The following XKR3 variants were observed in gnomAD, a reference collection of about 807,000 sequenced individuals.
The protein encoded by XKR3 is XK-related protein 3.
A neutral mutation model predicts 40.3 loss-of-function variants in XKR3; 27 were observed. That is an observed-to-expected ratio of 0.67 (90% CI 0.49 to 0.92). The LOEUF (loss-of-function observed/expected upper bound fraction) is 0.92, where lower values mean the gene tolerates loss of function less well. Among genes scored for constraint, XKR3 ranks in the 40% least tolerant of loss-of-function variants. The pLI is 0.00. For missense variants in XKR3, 472 were observed against 537.6 expected, an observed-to-expected ratio of 0.88 and a Z score of 1.21; for synonymous variants, 193 against 195.4, an observed-to-expected ratio of 0.99 and a Z score of 0.10.
intron 1 of XKR3, among the ~76,000 whole-genome samples, chr22:16,809,665 T>A (rs1430194548): frequency 6.6e-6 from 1 of 152,226 alleles, no homozygotes; most frequent in African/African-American, 2.4e-5. Context: ...AACATTCCAC[T>A]TACCTTAACC....
In XKR3 at chr22:16,807,859, C is replaced by G; in HGVS notation, c.215G>C (p.Ser72Thr). Reference protein sequence around the residue: ...NDTFWMSFTISFIIVGAILDQ... With the variant: ...NDTFWMSFTITFIIVGAILDQ... The stretch of plus-strand genomic sequence containing the variant: ...CAAAATTGCCCCCACAATAATAAAG[C>G]TGATGGTAAATGACATCCAGAATGT... Residue 72 changes from serine to threonine, a missense_variant, in exon 2 of 4, where the codon AGC becomes ACC. Coordinates refer to ENST00000684488, the MANE Select transcript of XKR3 (RefSeq NM_001386955.1). The G allele has an allele frequency of 6.2e-7, 1 of 1,613,960 alleles. No individual in the cohort carries two copies. The highest frequency in any genetic ancestry group is 1.7e-4 in the Middle Eastern group (1 of 6,060).
intron 2 of XKR3, among the ~76,000 whole-genome samples, 162 bp from the exon 3 acceptor site, chr22:16,800,186 T>C (rs925440067): frequency 6.6e-6 from 1 of 150,656 alleles, no homozygotes; most frequent in African/African-American, 2.4e-5. Flanking sequence ...TTCTAACAGT[T>C]TCTAATATTA....
In XKR3 at chr22:16,802,116, A is replaced by T. The variant is rs532252079; in HGVS notation, c.336-2092T>A. On this transcript the variant is annotated intron_variant, in intron 2 of 3. Transcript: ENST00000684488. ...TCCAATGGCCATAATATATCATTTC[A>T]TTAGACCCTATTAACTAGCTCTTCT... 9.2e-5 allele frequency among the ~76,000 whole-genome samples: 14 copies of T among 152,302 alleles called. 1 individual carries two copies. The South Asian group carries it at 2.9e-3, about 32-fold the overall frequency.
intron 3 of XKR3, among the ~76,000 whole-genome samples, chr22:16,793,227 G>T (rs2146147493): frequency 6.6e-6 from 1 of 152,276 alleles, no homozygotes; most frequent in South Asian, 2.1e-4. Flanking sequence ...GGCCAGGCTG[G>T]TCTCTAACTC....
rs2060074872 is a variant in XKR3 at position 16,783,558 on chromosome 22, C to T, written c.*61G>A. 7.5e-7 allele frequency: 1 copy of T among 1,339,460 alleles called. No individual in the cohort carries two copies. Among genetic ancestry groups the T allele is most frequent in the South Asian group, 1.6e-5 (1 of 63,052 alleles). The allele number at this position is 1,339,460 out of a possible 1,614,324, so 83.0% of individuals were successfully genotyped here. A position where few individuals can be genotyped will look rare whatever the true frequency, so the allele number is the denominator to read the frequency against. On this transcript the variant is annotated 3_prime_UTR_variant, in exon 4 of 4. Coordinates refer to ENST00000684488, the MANE Select transcript of XKR3 (RefSeq NM_001386955.1). Reference sequence around the variant, plus strand: ...GTGTATATTTTTTAAATTTAAGAGCCTCTTAACAAGTCACATTCAGCATCT... The same window carrying T: ...GTGTATATTTTTTAAATTTAAGAGCTTCTTAACAAGTCACATTCAGCATCT...
chr22:16,808,843 A>G (rs969329332), intron 1 of XKR3, among the ~76,000 whole-genome samples: 1 of 152,192 alleles, frequency 6.6e-6, no homozygotes. Flanking sequence ...AAGGAAAATA[A>G]AAGGCAACAG....
intron 1 of XKR3, among the ~76,000 whole-genome samples, chr22:16,816,237 G>A (rs751728038): frequency 6.3e-4 from 95 of 151,482 alleles, no homozygotes; most frequent in African/African-American, 1.0e-3. Flanking sequence ...TGCCTTTGCC[G>A]CCTCTCTTTC....
At chr22:16,818,791 A>G (rs1316675799) in intron 1 of XKR3, among the ~76,000 whole-genome samples, 1 of 152,148 alleles carries the variant, frequency 6.6e-6, no homozygotes, top group East Asian at 1.9e-4. Flanking sequence ...CTGAGCACCC[A>G]GGTCCACCCA....
At chr22:16,790,290 A>C (rs1215268052) in intron 3 of XKR3, among the ~76,000 whole-genome samples, 9 of 151,374 alleles carry the variant, frequency 5.9e-5, no homozygotes, top group African/African-American at 2.2e-4. Context: ...CACAAGCAAC[A>C]AAACCACCAA....
In XKR3 at chr22:16,808,007, T is replaced by C; in HGVS notation, c.67A>G (p.Ile23Val). 1 of 1,613,620 alleles carries C rather than the reference T, an allele frequency of 6.2e-7. No homozygotes were observed. The highest frequency in any genetic ancestry group is 8.5e-7 in the Non-Finnish European group (1 of 1,179,776). ...AGATGGAGTCTCTGGCCAAGGACTA[T>C]TTCTTCTTTCGAAGATGAAACTCCT... ...TGGVSSSKEE[I>V]VLGQRLHLSF... The change falls in exon 2 of 4, where the codon ATA (isoleucine) becomes GTA (valine). Residue 23 changes from isoleucine (I) to valine (V), a missense_variant. By Grantham distance (29) the Ile-to-Val change is conservative. Transcript: ENST00000684488.
At chr22:16,807,677 C>A in intron 2 of XKR3, 62 bp downstream of exon 2, 1 of 1,351,474 alleles carries the variant, frequency 7.4e-7, no homozygotes, top group South Asian at 1.5e-5. Context: ...TCTTTTTAGC[C>A]ATCTATTTAT....
chr22:16,816,414 A>G (rs1285184072), intron 1 of XKR3, among the ~76,000 whole-genome samples: 1 of 151,384 alleles, frequency 6.6e-6, no homozygotes, highest in Admixed American at 6.6e-5. Flanking sequence ...TGGTTTTGAC[A>G]TTAACTACCA....
chr22:16,811,591 T>C (rs543230417), intron 1 of XKR3, among the ~76,000 whole-genome samples: 1 of 152,376 alleles, frequency 6.6e-6, no homozygotes, highest in Non-Finnish European at 1.5e-5. Context: ...TTTGCTTATA[T>C]GTATGTATAA....
chr22:16,824,238 C>T (rs749454316), intron 1 of XKR3, among the ~76,000 whole-genome samples: 42 of 151,944 alleles, frequency 2.8e-4, no homozygotes, highest in Non-Finnish European at 5.4e-4. Context: ...TTTCCACCTA[C>T]GAGGAACGGG....
At chr22:16,822,463 T>A (rs1207107113) in intron 1 of XKR3, among the ~76,000 whole-genome samples, 1 of 152,032 alleles carries the variant, frequency 6.6e-6, no homozygotes, top group Non-Finnish European at 1.5e-5. Flanking sequence ...AACAGAAAGC[T>A]ACATCAATCA....
intron 1 of XKR3, among the ~76,000 whole-genome samples, chr22:16,821,301 C>A (rs2060254661): frequency 6.6e-6 from 1 of 152,010 alleles, no homozygotes; most frequent in African/African-American, 2.4e-5. Context: ...TACAGCCAAA[C>A]TTAAGAAAAA....
At chr22:16,821,523 G>GA (rs2060255681) in intron 1 of XKR3, 1 of 148,594 alleles carries the variant, frequency 6.7e-6, no homozygotes, top group Non-Finnish European at 1.5e-5. Flanking sequence ...CAACTGATGA[G>GA]AATTTTTTTT....
chr22:16,803,301 A>T (rs1319914313), intron 2 of XKR3, among the ~76,000 whole-genome samples: 2 of 152,184 alleles, frequency 1.3e-5, no homozygotes, highest in African/African-American at 4.8e-5. Flanking sequence ...CAGACAAAAA[A>T]GTCCTCAACA....
chr22:16,784,545 AG>A (rs1396386975), intron 3 of XKR3, 136 bp from the exon 4 acceptor site: 45 of 887,956 alleles, frequency 5.1e-5, no homozygotes, highest in Non-Finnish European at 7.6e-5. Flanking sequence ...ATAAAAAGAA[AG>A]GTTTGTTAAT....
Sources: allele counts gnomAD v4.1 joint callset (sites outside exome capture counted in the v4.1 genomes callset), GRCh38; gene constraint gnomAD v4.1.1; transcripts MANE v1.5; gene names NCBI Gene and HGNC (gene_info 2026-07-23, HGNC 2026-07-21).